Variants in ELF2 observed in about 807,000 individuals in gnomAD.
The protein encoded by ELF2 is E74 like ETS transcription factor 2, also known as ETS-related transcription factor Elf-2.
ELF2 carries 11 observed loss-of-function variants against 54.8 expected under a neutral mutation model. The observed-to-expected ratio is 0.20, with a 90% CI of 0.13 to 0.33. The LOEUF is 0.33. Ranked by LOEUF, ELF2 falls within the 10% of genes least tolerant of loss-of-function variation. ELF2 has a pLI of 1.00. For synonymous variants in ELF2, 203 were observed against 245.1 expected (o/e 0.83, Z 1.61); for missense variants, 513 against 703.0 (o/e 0.73, Z 3.06).
chr4:139,062,556 C>T (rs1728037279), intron 7 of ELF2, among the ~76,000 whole-genome samples: 1 of 152,226 alleles, frequency 6.6e-6, no homozygotes, highest in African/African-American at 2.4e-5. Context: ...TATACTATTA[C>T]ATATCACACT....
At chr4:139,119,307 CT>C (rs1370316222) in intron 4 of ELF2, among the ~76,000 whole-genome samples, 1 of 152,198 alleles carries the variant, frequency 6.6e-6, no homozygotes, top group Non-Finnish European at 1.5e-5. Flanking sequence ...CTTTACTAAG[CT>C]TTAGTTGTAC....
intron 4 of ELF2, among the ~76,000 whole-genome samples, chr4:139,110,939 G>A (rs571922089): frequency 6.6e-6 from 1 of 152,090 alleles, no homozygotes; most frequent in South Asian, 2.1e-4. Context: ...AATTAAATTC[G>A]GGAACATAAG....
At chr4:139,061,234 G>C (rs542012270) in intron 8 of ELF2, among the ~76,000 whole-genome samples, 10 of 150,484 alleles carry the variant, frequency 6.6e-5, no homozygotes, top group South Asian at 2.1e-4. Flanking sequence ...CAGTGCAATG[G>C]CACAATCTTG....
At chr4:139,161,652 TAAAAAA>T (rs57452146) in intron 1 of ELF2, among the ~76,000 whole-genome samples, 4 of 70,020 alleles carry the variant, frequency 5.7e-5, no homozygotes, top group Non-Finnish European at 8.0e-5. Context: ...TAAAACTGTT[TAAAAAA>T]AAAAAAAAAA....
chr4:139,157,459 G>A (rs1357196534), intron 1 of ELF2, among the ~76,000 whole-genome samples: 1 of 151,956 alleles, frequency 6.6e-6, no homozygotes, highest in Non-Finnish European at 1.5e-5. Flanking sequence ...GAGTGCAGTG[G>A]CATCACATTA....
chr4:139,126,971 A>T (rs1026796777), intron 3 of ELF2, among the ~76,000 whole-genome samples: 2 of 152,198 alleles, frequency 1.3e-5, no homozygotes, highest in Non-Finnish European at 2.9e-5. Context: ...CCAGATTTAA[A>T]GGGCAACCAG....
chr4:139,161,651 T>TAAAAAA (rs1560884167), intron 1 of ELF2, among the ~76,000 whole-genome samples: 49 of 101,864 alleles, frequency 4.8e-4, no homozygotes, highest in African/African-American at 1.9e-3. Context: ...GTAAAACTGT[T>TAAAAAA]TAAAAAAAAA....
rs755196518 is a variant in ELF2 at position 139,067,765 on chromosome 4, G to A, written c.532C>T (p.Arg178Cys). ...GGTGATTGCTGGGTCTTTGGTTTACGGCCAACTGAAAAAATAAGATATTGA... is the reference window on the plus strand; with the variant it reads ...GGTGATTGCTGGGTCTTTGGTTTACAGCCAACTGAAAAAATAAGATATTGA... ...HEPMKKKKVGRKPKTQQSPIS... is the reference protein window; with the variant it reads ...HEPMKKKKVGCKPKTQQSPIS... The change falls in exon 7 of 10, where the codon CGT becomes TGT. Residue 178 changes from arginine to cysteine, a missense_variant. This residue lies in a region of ELF2 where 203 missense variants were observed against 245.9 expected (regional missense o/e 0.83). Transcript: ENST00000686138. 26 of 1,577,508 alleles carry A rather than the reference G, an allele frequency of 1.6e-5. No individual in the cohort carries two copies. The highest frequency in any genetic ancestry group is 2.2e-5 in the Non-Finnish European group (25 of 1,156,810).
chr4:139,062,174 C>CA (rs1727961087), intron 7 of ELF2, 117 bp from the exon 8 acceptor site: 3 of 892,688 alleles, frequency 3.4e-6, no homozygotes, highest in Non-Finnish European at 4.8e-6. Flanking sequence ...CTTGTTTCTA[C>CA]TTTTTTTTTT....
intron 4 of ELF2, among the ~76,000 whole-genome samples, chr4:139,102,898 T>TTC (rs1354505464): frequency 6.6e-6 from 1 of 151,084 alleles, no homozygotes; most frequent in Admixed American, 6.6e-5. Context: ...TTTTTTTTTT[T>TTC]CCCCCCTGAG....
chr4:139,060,714 T>G (rs756543793), intron 8 of ELF2, 40 bp from the exon 9 acceptor site: 1 of 1,517,454 alleles, frequency 6.6e-7, no homozygotes, highest in Middle Eastern at 2.5e-4. Flanking sequence ...AAGTATATTA[T>G]TTCTTCACCC....
At chr4:139,150,856 C>A (rs1739805911) in intron 1 of ELF2, among the ~76,000 whole-genome samples, 3 of 151,580 alleles carry the variant, frequency 2.0e-5, no homozygotes, top group Admixed American at 2.0e-4. Flanking sequence ...CCCGTCTCTA[C>A]TAAATAAAAC....
chr4:139,094,705 C>T (rs1411388434), intron 4 of ELF2, among the ~76,000 whole-genome samples: 1 of 129,666 alleles, frequency 7.7e-6, no homozygotes, highest in Non-Finnish European at 1.7e-5. Flanking sequence ...AAATGTGATG[C>T]TTATTTCTGA....
At chr4:139,151,276 GA>G (rs1256273358) in intron 1 of ELF2, among the ~76,000 whole-genome samples, 3 of 151,774 alleles carry the variant, frequency 2.0e-5, no homozygotes, top group Admixed American at 2.0e-4. Flanking sequence ...TCACAATTAA[GA>G]AAAAATTATT....
intron 4 of ELF2, among the ~76,000 whole-genome samples, chr4:139,119,863 C>T (rs1471811917): frequency 2.0e-5 from 3 of 152,150 alleles, no homozygotes; most frequent in Non-Finnish European, 2.9e-5. Flanking sequence ...CAACCTCCAC[C>T]TCCCGGTTCA....
intron 3 of ELF2, among the ~76,000 whole-genome samples, chr4:139,134,481 C>G (rs1428161677): frequency 1.3e-5 from 2 of 151,712 alleles, no homozygotes; most frequent in Non-Finnish European, 2.9e-5. Context: ...TTCAGCCTCC[C>G]AAGTACCTGG....
At chr4:139,152,243 A>G (rs1740075615) in intron 1 of ELF2, among the ~76,000 whole-genome samples, 1 of 152,210 alleles carries the variant, frequency 6.6e-6, no homozygotes, top group Admixed American at 6.5e-5. Flanking sequence ...AAAAAGGACA[A>G]TGTACAAAAT....
intron 4 of ELF2, among the ~76,000 whole-genome samples, chr4:139,099,630 C>G (rs1733663553): frequency 1.3e-5 from 2 of 152,138 alleles, no homozygotes; most frequent in African/African-American, 4.8e-5. Flanking sequence ...AGTCTGAATT[C>G]TGGAACCCAT....
intron 4 of ELF2, among the ~76,000 whole-genome samples, chr4:139,095,045 A>G (rs755695485): frequency 6.6e-6 from 1 of 152,086 alleles, no homozygotes; most frequent in Non-Finnish European, 1.5e-5. Context: ...AAATAATAAC[A>G]ATTTTGTTTC....
Sources: gnomAD v4.1 joint callset for allele counts (sites outside exome capture counted in the v4.1 genomes callset) on GRCh38, gnomAD v4.1.1 for gene constraint, gnomAD v4.1.1 regional missense constraint, MANE v1.5 for transcripts, NCBI Gene and HGNC (gene_info 2026-07-23, HGNC 2026-07-21) for gene names.